MKI67: variants seen among roughly 807,000 people sequenced by gnomAD.
MKI67 encodes the protein proliferation marker protein Ki-67.
MKI67 carries 152 observed loss-of-function variants against 233.5 expected under a neutral mutation model. That is an observed-to-expected ratio of 0.65 (90% confidence interval 0.57 to 0.74). MKI67 has a LOEUF of 0.74. Among genes scored for constraint, MKI67 ranks in the 30% least tolerant of loss-of-function variants. MKI67 has a pLI of 0.00. For synonymous variants in MKI67, 1,465 were observed against 1,418.5 expected (o/e 1.03, Z -0.74); for missense variants, 3,940 against 3,885.2 (o/e 1.01, Z -0.37).
chr10:128,103,511 C>CTGGAGCCGGTGTCTGTTTTGCA lies in MKI67; in HGVS notation c.8307_8328dup (p.Ala2777CysfsTer43). ...CTCCTGCTGCCAGTTACACTTGCTGCTGGAGCCGGTGTCTGTTTTGCAGAT... is the reference window on the plus strand; with the variant it reads ...CTCCTGCTGCCAGTTACACTTGCTGCTGGAGCCGGTGTCTGTTTTGCATGGAGCCGGTGTCTGTTTTGCAGAT... On this transcript the variant is annotated frameshift_variant, in exon 13 of 15. Coordinates refer to ENST00000368654, the MANE Select transcript of MKI67 (RefSeq NM_002417.5). LOFTEE classifies it high-confidence loss of function. 1 of 1,613,142 alleles carries CTGGAGCCGGTGTCTGTTTTGCA rather than the reference C, an allele frequency of 6.2e-7. No homozygotes were observed. The highest frequency in any genetic ancestry group is 8.5e-7 in the Non-Finnish European group (1 of 1,179,766).
At chr10:128,100,850 G>T (rs1405237159) in intron 14 of MKI67, among the ~76,000 whole-genome samples, 2 of 152,190 alleles carry the variant, frequency 1.3e-5, no homozygotes, top group African/African-American at 2.4e-5. Flanking sequence ...TCCAAAGAAT[G>T]CCTTGGAAAT....
rs768120189 is a variant in MKI67, at chr10:128,111,647, G to A, written c.2258C>T (p.Ser753Leu). Residue 753 changes from serine to leucine, a missense_variant and splice_region_variant, in exon 11 of 15, where the codon TCA becomes TTA. Coordinates refer to ENST00000368654, the MANE Select transcript of MKI67 (RefSeq NM_002417.5). ...NQKMDFKEDL[S>L]GIAEMFKTPV... is the part of the protein sequence containing the mutation. ...AAGATCTAAGACTACGTTTTTACCTGAAAGATCTTCCTTAAAGTCCATTTT... is the reference window on the plus strand; with the variant it reads ...AAGATCTAAGACTACGTTTTTACCTAAAAGATCTTCCTTAAAGTCCATTTT... 16 of 1,609,844 alleles carry A rather than the reference G, an allele frequency of 9.9e-6. No individual in the cohort carries two copies. The highest frequency in any genetic ancestry group is 1.4e-5 in the Non-Finnish European group (16 of 1,178,614).
At chr10:128,119,150 C>T in intron 5 of MKI67, 103 bp downstream of exon 5, 2 of 822,958 alleles carry the variant, frequency 2.4e-6, no homozygotes, top group Non-Finnish European at 4.0e-6. Context: ...TAACAGTAAC[C>T]ACCCTCTTTG....
intron 4 of MKI67, among the ~76,000 whole-genome samples, chr10:128,121,558 TATATA>T (rs202042563): frequency 0.064 from 8,558 of 133,462 alleles, 347 homozygotes; most frequent in Non-Finnish European, 0.095. Flanking sequence ...TATATGATTA[TATATA>T]ATATATTATA....
Position 128,099,155 on chromosome 10 carries a change from A to T in MKI67, c.*35T>A. On this transcript the variant is annotated 3_prime_UTR_variant, in exon 15 of 15. Coordinates refer to ENST00000368654, the MANE Select transcript of MKI67 (RefSeq NM_002417.5). ...CTGCACTAGAACTTATCACAAAACT[A>T]ACTTTATTATATTTTTCCCAGTTCG... is the stretch of plus-strand genomic sequence containing the variant. 1.3e-6 allele frequency: 2 copies of T among 1,532,708 alleles called. No homozygotes were observed. Among genetic ancestry groups the T allele is most frequent in the Non-Finnish European group, 1.8e-6 (2 of 1,114,448 alleles). The allele number at this position is 1,532,708 out of a possible 1,614,324, so 94.9% of individuals were successfully genotyped here. A position where few individuals can be genotyped will look rare whatever the true frequency, so the allele number is the denominator to read the frequency against.
In MKI67 at chr10:128,109,357, G is replaced by A; in HGVS notation, c.2483C>T (p.Pro828Leu). 1 of 1,614,146 alleles carries A rather than the reference G, an allele frequency of 6.2e-7. No individual in the cohort carries two copies. Among genetic ancestry groups the A allele is most frequent in the South Asian group, 1.1e-5 (1 of 91,082 alleles). ...TCTAATACACTGCCGTCTTAAGGGA[G>A]GGCTTGCAGAGCATTTATCAGATGG... Reference protein sequence around the residue: ...KQPSDKCSASPPLRRQCIREN... With the variant: ...KQPSDKCSASLPLRRQCIREN... Residue 828 changes from proline (P) to leucine (L), a missense_variant, in exon 13 of 15, where the codon CCT (proline) becomes CTT (leucine). Pro to Leu is a moderately conservative substitution (Grantham distance 98, BLOSUM62 -3). Coordinates refer to ENST00000368654, the MANE Select transcript of MKI67 (RefSeq NM_002417.5).
Position 128,106,859 on chromosome 10 carries a change from G to A in MKI67, c.4981C>T (p.His1661Tyr). The change falls in exon 13 of 15, where the codon CAC becomes TAC. Residue 1661 changes from histidine (H) to tyrosine (Y), a missense_variant. Coordinates refer to ENST00000368654, the MANE Select transcript of MKI67 (RefSeq NM_002417.5). ...KLTQTSGETT[H>Y]THTEPTGDGK... Reference sequence around the variant, plus strand: ...TCTCCTGTTGGCTCTGTGTGTGTGTGTGTAGTCTCTCCTGATGTCTGTGTG... The same window carrying A: ...TCTCCTGTTGGCTCTGTGTGTGTGTATGTAGTCTCTCCTGATGTCTGTGTG... The A allele has an allele frequency of 6.2e-7, 1 of 1,614,172 alleles. No homozygotes were observed. The highest frequency in any genetic ancestry group is 8.5e-7 in the Non-Finnish European group (1 of 1,180,030).
At position 128,104,560 on chromosome 10, in the gene MKI67, G is replaced by A. The variant is rs753489790; in HGVS notation, c.7280C>T (p.Pro2427Leu). 8.1e-6 allele frequency: 13 copies of A among 1,614,154 alleles called. No homozygotes were observed. Among genetic ancestry groups the A allele is most frequent in the Middle Eastern group, 1.6e-4 (1 of 6,062 alleles). The part of the protein sequence containing the change: ...LPGSKRQPQT[P>L]KEKAEALEDL... ...CTCTAGAGCCTCAGCCTTTTCCTTAGGAGTCTGTGGCTGTCTCTTGCTGCC... is the reference window on the plus strand; with the variant it reads ...CTCTAGAGCCTCAGCCTTTTCCTTAAGAGTCTGTGGCTGTCTCTTGCTGCC... The change falls in exon 13 of 15, where the codon CCT becomes CTT. Residue 2427 changes from proline (P) to leucine (L), a missense_variant. Transcript: ENST00000368654.
At chr10:128,120,739 G>T (rs2782863) in intron 4 of MKI67, among the ~76,000 whole-genome samples, 1 of 152,084 alleles carries the variant, frequency 6.6e-6, no homozygotes, top group Admixed American at 6.6e-5. Context: ...TACAAGAGAC[G>T]CAATTTTGAT....
In MKI67 at chr10:128,110,545, A is replaced by T; in HGVS notation, c.2261-12T>A. 2 of 1,533,900 alleles carry T rather than the reference A, an allele frequency of 1.3e-6. No individual in the cohort carries two copies. Among genetic ancestry groups the T allele is most frequent in the Admixed American group, 1.7e-5 (1 of 57,680 alleles). ...CATTTCAGCTATTCCTGTTAAATGA[A>T]AATATTTGAAAAGTGATTGACATAT... On this transcript the variant is annotated splice_polypyrimidine_tract_variant and intron_variant, in intron 11 of 14. Coordinates refer to ENST00000368654, the MANE Select transcript of MKI67 (RefSeq NM_002417.5).
At position 128,107,237 on chromosome 10, in the gene MKI67, C is replaced by G; in HGVS notation, c.4603G>C (p.Gly1535Arg). The change falls in exon 13 of 15, where the codon GGC becomes CGC. Residue 1535 changes from glycine (G) to arginine (R), a missense_variant. By Grantham distance (125) the Gly-to-Arg change is moderately radical. Transcript: ENST00000368654. The part of the protein sequence containing the change: ...FALRKRTPSA[G>R]KAMHTPKPAV... ...GGTTTGGGTGTGTGCATGGCTTTGC[C>G]TGCTGATGGTGTTCGTTTCCTGAGT... 2 of 1,614,146 alleles carry G rather than the reference C, an allele frequency of 1.2e-6. No homozygotes were observed. The highest frequency in any genetic ancestry group is 1.7e-6 in the Non-Finnish European group (2 of 1,180,034).
Position 128,105,046 on chromosome 10 carries a change from G to C in MKI67, c.6794C>G (p.Ala2265Gly). 6.2e-7 allele frequency: 1 copy of C among 1,613,190 alleles called. No individual in the cohort carries two copies. The highest frequency in any genetic ancestry group is 1.7e-4 in the Middle Eastern group (1 of 6,050). The change falls in exon 13 of 15, where the codon GCT (alanine) becomes GGT (glycine). Residue 2265 changes from alanine (A) to glycine (G), a missense_variant. By Grantham distance (60) the Ala-to-Gly change is moderately conservative. Coordinates refer to ENST00000368654, the MANE Select transcript of MKI67 (RefSeq NM_002417.5). ...TCCTGCTGGTTTGGGTGTGTCCATA[G>C]CTTTCCCTACTGATGGTGTTCGTTT... is the stretch of plus-strand genomic sequence containing the variant. Reference protein sequence around the residue: ...LRKRTPSVGKAMDTPKPAGGD... With the variant: ...LRKRTPSVGKGMDTPKPAGGD...
At chr10:128,100,190 T>C (rs1261900959) in intron 14 of MKI67, among the ~76,000 whole-genome samples, 3 of 152,192 alleles carry the variant, frequency 2.0e-5, no homozygotes, top group African/African-American at 7.2e-5. Context: ...AGTCTCTGAC[T>C]TAGGACACCT....
rs1213119224 is a variant in MKI67, at chr10:128,123,153, T to C, written c.109A>G (p.Ile37Val). The C allele has an allele frequency of 4.3e-6, 7 of 1,613,842 alleles. No homozygotes were observed. Among genetic ancestry groups the C allele is most frequent in the South Asian group, 1.1e-5 (1 of 91,070 alleles). The part of the protein sequence containing the change: ...CLFGRGIECD[I>V]RIQLPVVSKQ... Reference sequence around the variant, plus strand: ...GACACAACAGGAAGCTGGATACGGATGTCACATTCAATACCCCTTCATGCA... The same window carrying C: ...GACACAACAGGAAGCTGGATACGGACGTCACATTCAATACCCCTTCATGCA... The change falls in exon 3 of 15, where the codon ATC (isoleucine) becomes GTC (valine). Residue 37 changes from isoleucine (I) to valine (V), a missense_variant. By Grantham distance (29) the Ile-to-Val change is conservative. Transcript: ENST00000368654.
chr10:128,115,709 A>G lies in MKI67; in HGVS notation c.699T>C (p.Asn233=), dbSNP rs535455018. The change falls in exon 7 of 15, where the codon AAT becomes AAC. Residue 233 remains asparagine (N), a synonymous_variant. Transcript: ENST00000368654. Reference sequence around the variant, plus strand: ...CATAAAGCTTCCAAAAGGGAGATTCATTTTTTTTGCTATTGTCAAGACATT... The same window carrying G: ...CATAAAGCTTCCAAAAGGGAGATTCGTTTTTTTTGCTATTGTCAAGACATT... ...TTQCLDNSKK[N]ESPFWKLYES... The G allele has an allele frequency of 9.2e-5, 149 of 1,611,374 alleles. No individual in the cohort carries two copies. The South Asian group carries it at 1.5e-3, about 16-fold the overall frequency.
Position 128,107,218 on chromosome 10 carries a change from G to T in MKI67, c.4622C>A (p.Pro1541His), listed in dbSNP as rs564991999. Residue 1541 changes from proline (P) to histidine (H), a missense_variant, in exon 13 of 15, where the codon CCC becomes CAC. By Grantham distance (77) the Pro-to-His change is moderately conservative (BLOSUM62 -2). Transcript: ENST00000368654. ...TTTCTCACCACTTACTGCTGGTTTG[G>T]GTGTGTGCATGGCTTTGCCTGCTGA... ...TPSAGKAMHTPKPAVSGEKNI... is the reference protein window; with the variant it reads ...TPSAGKAMHTHKPAVSGEKNI... 1 of 1,614,108 alleles carries T rather than the reference G, an allele frequency of 6.2e-7. No homozygotes were observed. The highest frequency in any genetic ancestry group is 1.7e-5 in the Admixed American group (1 of 60,018).
Position 128,106,099 on chromosome 10 carries a change from T to C in MKI67, c.5741A>G (p.Glu1914Gly), listed in dbSNP as rs778005861. Residue 1914 changes from glutamate to glycine, a missense_variant, in exon 13 of 15, where the codon GAG becomes GGG. By Grantham distance (98) the Glu-to-Gly change is moderately conservative (BLOSUM62 -2). Transcript: ENST00000368654. ...MHTPKAAVGEEKDINTFVGTP... is the reference protein window; with the variant it reads ...MHTPKAAVGEGKDINTFVGTP... Reference sequence around the variant, plus strand: ...CCCCACAAATGTGTTGATGTCTTTCTCTTCACCTACTGCTGCTTTAGGCGT... The same window carrying C: ...CCCCACAAATGTGTTGATGTCTTTCCCTTCACCTACTGCTGCTTTAGGCGT... The C allele has an allele frequency of 3.7e-6, 6 of 1,614,098 alleles. 1 individual carries two copies. Among genetic ancestry groups the C allele is most frequent in the Middle Eastern group, 3.3e-4 (2 of 6,062 alleles).
At position 128,119,289 on chromosome 10, in the gene MKI67, C is replaced by T. The variant is rs376171554; in HGVS notation, c.318G>A (p.Arg106=). 6.3e-5 allele frequency: 102 copies of T among 1,609,812 alleles called. No homozygotes were observed. The Middle Eastern group carries it at 2.6e-3, about 42-fold the overall frequency. ...RYENESLQNG[R]KSTEFPRKIR... ...TTTTTCTTGGAAATTCAGTTGACTT[C>T]CTTCCATTCTGAAGACTTTCATTTT... is the stretch of plus-strand genomic sequence containing the variant. Residue 106 remains arginine, a synonymous_variant, in exon 5 of 15, where the codon AGG becomes AGA. Coordinates refer to ENST00000368654, the MANE Select transcript of MKI67 (RefSeq NM_002417.5).
At position 128,108,014 on chromosome 10, in the gene MKI67, C is replaced by T. The variant is rs778168091; in HGVS notation, c.3826G>A (p.Ala1276Thr). Residue 1276 changes from alanine to threonine, a missense_variant, in exon 13 of 15, where the codon GCA (alanine) becomes ACA (threonine). Coordinates refer to ENST00000368654, the MANE Select transcript of MKI67 (RefSeq NM_002417.5). Reference sequence around the variant, plus strand: ...GCTAAGAGTTCTCCCTCTACATCTGCTTTCCTGATACTTCTCTTGGGTCGT... The same window carrying T: ...GCTAAGAGTTCTCCCTCTACATCTGTTTTCCTGATACTTCTCTTGGGTCGT... ...KQRPKRSIRK[A>T]DVEGELLACR... The T allele has an allele frequency of 3.7e-6, 6 of 1,613,558 alleles. No homozygotes were observed. The highest frequency in any genetic ancestry group is 5.1e-6 in the Non-Finnish European group (6 of 1,179,908).
Sources: allele counts gnomAD v4.1 joint callset (sites outside exome capture counted in the v4.1 genomes callset), GRCh38; gene constraint gnomAD v4.1.1; transcripts MANE v1.5; gene names NCBI Gene and HGNC (gene_info 2026-07-23, HGNC 2026-07-21).